SOX6: variants seen among roughly 807,000 people sequenced by gnomAD.
SOX6 encodes the protein transcription factor SOX-6.
Under a neutral mutation model 97.8 loss-of-function variants are expected in SOX6, and 11 were observed. The ratio of observed to expected loss-of-function variants is 0.11; its 90% CI spans 0.07 to 0.19. The LOEUF (loss-of-function observed/expected upper bound fraction) is 0.19. Among genes scored for constraint, SOX6 ranks in the 10% least tolerant of loss-of-function variants. The pLI, the probability that SOX6 is intolerant of heterozygous loss-of-function variation, is 1.00. For missense variants in SOX6, 810 were observed against 1,039.5 expected (o/e 0.78, Z 3.04); for synonymous variants, 360 against 371.4 (o/e 0.97, Z 0.35).
chr11:16,501,015 CA>C (rs1432136618), intron 4 of SOX6, among the ~76,000 whole-genome samples: 4 of 152,100 alleles, frequency 2.6e-5, no homozygotes, highest in African/African-American at 9.7e-5. Context: ...AATCCTAAGC[CA>C]AAAGAACAAA....
chr11:16,130,936 CTCTTA>C (rs923326801), intron 6 of SOX6, among the ~76,000 whole-genome samples: 10 of 151,992 alleles, frequency 6.6e-5, no homozygotes, highest in East Asian at 1.9e-4. Context: ...GATGTCTGGA[CTCTTA>C]TCTTATACAC....
intron 1 of SOX6, among the ~76,000 whole-genome samples, chr11:16,349,509 A>G (rs1856855620): frequency 6.6e-6 from 1 of 151,984 alleles, no homozygotes; most frequent in South Asian, 2.1e-4. Flanking sequence ...CCAGCTCTGC[A>G]GGAAGTTGAG....
intron 4 of SOX6, among the ~76,000 whole-genome samples, chr11:16,537,961 A>C (rs964618104): frequency 3.9e-5 from 6 of 152,200 alleles, no homozygotes; most frequent in Non-Finnish European, 7.3e-5. Flanking sequence ...ATTCAAATGC[A>C]GGAAATACAG....
intron 13 of SOX6, among the ~76,000 whole-genome samples, chr11:15,990,696 T>A (rs16932405): frequency 2.0e-5 from 3 of 152,082 alleles, no homozygotes; most frequent in Non-Finnish European, 1.5e-5. Context: ...TGAGAACTTC[T>A]ATAATTAAAG....
At chr11:16,697,002 G>T (rs1848058981) in intron 3 of SOX6, among the ~76,000 whole-genome samples, 2 of 149,500 alleles carry the variant, frequency 1.3e-5, no homozygotes. Context: ...TTTCAACAGT[G>T]TTCACAGCAT....
At chr11:16,467,410 GAATA>G (rs1272080777) in intron 1 of SOX6, among the ~76,000 whole-genome samples, 14 of 152,164 alleles carry the variant, frequency 9.2e-5, no homozygotes, top group African/African-American at 3.4e-4. Context: ...ACGATAGACT[GAATA>G]AATAAAATGT....
chr11:16,629,478 C>T (rs1433803085), intron 3 of SOX6, among the ~76,000 whole-genome samples: 1 of 152,058 alleles, frequency 6.6e-6, no homozygotes, highest in African/African-American at 2.4e-5. Context: ...TTTTGATGTA[C>T]TGTTGGGTTT....
chr11:16,427,436 C>T (rs1312393948), intron 1 of SOX6, among the ~76,000 whole-genome samples: 4 of 151,512 alleles, frequency 2.6e-5, no homozygotes, highest in Non-Finnish European at 5.9e-5. Context: ...CCCATTAACT[C>T]GTCATTTAAC....
rs533109054 is a variant in SOX6, at chr11:16,697,504, C to T, written n.429+17326G>A. Among the ~76,000 whole-genome samples, 52 of 152,192 alleles carry T rather than the reference C, an allele frequency of 3.4e-4. 2 individuals are homozygous for T. The highest frequency in any genetic ancestry group is 1.2e-3 in the African/African-American group (51 of 41,512). On this transcript the variant is annotated intron_variant and non_coding_transcript_variant, in intron 3 of 5. Coordinates refer to the SOX6 transcript ENST00000524520. ...CAAAAATTAGTTAGGCATAGTGGCA[C>T]GTGCCTGTAATCCCAGCTACTCAGG...
chr11:16,734,731 G>A (rs928377154), intron 2 of SOX6, among the ~76,000 whole-genome samples: 3 of 152,078 alleles, frequency 2.0e-5, no homozygotes, highest in South Asian at 2.1e-4. Context: ...TAACCTCACC[G>A]ATTCATATAT....
intron 3 of SOX6, among the ~76,000 whole-genome samples, chr11:16,296,986 TAAG>T (rs756287894): frequency 9.3e-4 from 141 of 152,114 alleles, no homozygotes; most frequent in Non-Finnish European, 1.6e-3. Flanking sequence ...ATCTTCTCAA[TAAG>T]AAGAAGGAAT....
intron 9 of SOX6, among the ~76,000 whole-genome samples, chr11:16,061,457 A>T (rs1847951693): frequency 6.6e-6 from 1 of 151,740 alleles, no homozygotes; most frequent in Non-Finnish European, 1.5e-5. Flanking sequence ...TGTTAAAATG[A>T]CCATACTGCC....
At chr11:16,449,229 G>A (rs1003560025) in intron 1 of SOX6, among the ~76,000 whole-genome samples, 1 of 147,330 alleles carries the variant, frequency 6.8e-6, no homozygotes, top group African/African-American at 2.6e-5. Flanking sequence ...GAAGTATTGG[G>A]TTTCTCCATC....
intron 3 of SOX6, among the ~76,000 whole-genome samples, chr11:16,702,701 C>T (rs2134042360): frequency 6.6e-6 from 1 of 152,102 alleles, no homozygotes; most frequent in African/African-American, 2.4e-5. Flanking sequence ...ATTTTGAAAA[C>T]TCCCCATTCC....
intron 1 of SOX6, among the ~76,000 whole-genome samples, chr11:16,463,308 G>A (rs1445274173): frequency 1.3e-5 from 2 of 152,014 alleles, no homozygotes; most frequent in East Asian, 3.9e-4. Context: ...CTATACATCA[G>A]GCACTGTGCT....
At chr11:16,187,639 T>C (rs1851515944) in intron 4 of SOX6, among the ~76,000 whole-genome samples, 1 of 152,152 alleles carries the variant, frequency 6.6e-6, no homozygotes, top group African/African-American at 2.4e-5. Flanking sequence ...CTTTGTCATT[T>C]GTCATTTTTC....
At chr11:16,191,815 C>T (rs1418946413) in intron 4 of SOX6, among the ~76,000 whole-genome samples, 2 of 151,912 alleles carry the variant, frequency 1.3e-5, no homozygotes, top group East Asian at 1.9e-4. Context: ...TGTATCTGTT[C>T]TCCAACTCCA....
intron 3 of SOX6, among the ~76,000 whole-genome samples, chr11:16,644,158 G>A (rs778875352): frequency 3.2e-4 from 49 of 152,024 alleles, no homozygotes; most frequent in African/African-American, 8.9e-4. Flanking sequence ...CTCCCACCTC[G>A]GCCTCCCAAG....
At chr11:16,217,995 T>G (rs1363313993) in intron 4 of SOX6, among the ~76,000 whole-genome samples, 1 of 152,026 alleles carries the variant, frequency 6.6e-6, no homozygotes, top group African/African-American at 2.4e-5. Flanking sequence ...GGTTAGCGGG[T>G]GTTGATTTTA....
Sources: gnomAD v4.1 joint callset for allele counts (sites outside exome capture counted in the v4.1 genomes callset) on GRCh38, gnomAD v4.1.1 for gene constraint, MANE v1.5 for transcripts, NCBI Gene and HGNC (gene_info 2026-07-23, HGNC 2026-07-21) for gene names.